The following FOXP2 variants were observed in gnomAD, a reference collection of about 807,000 sequenced individuals.
The protein encoded by FOXP2 is forkhead box P2.
In FOXP2, 12 loss-of-function variants were observed where a neutral mutation model predicts 115.8. The ratio of observed to expected loss-of-function variants is 0.10; its 90% CI spans 0.07 to 0.17. The LOEUF (loss-of-function observed/expected upper bound fraction) is 0.17. Ranked by LOEUF, FOXP2 falls within the 10% of genes least tolerant of loss-of-function variation. The probability of loss-of-function intolerance (pLI) is 1.00; values close to 1 mark genes in which losing one functional copy is unlikely to be tolerated. For synonymous variants in FOXP2, 328 were observed against 297.7 expected, an observed-to-expected ratio of 1.10 and a Z score of -1.05; for missense variants, 629 against 843.5, an observed-to-expected ratio of 0.75 and a Z score of 3.15.
Position 114,415,083 on chromosome 7 carries a change from G to A in FOXP2, c.-288G>A, listed in dbSNP as rs886216135. On this transcript the variant is annotated 5_prime_UTR_variant, in exon 1 of 17. Coordinates refer to ENST00000350908, the MANE Select transcript of FOXP2 (RefSeq NM_014491.4). ...ATTTTGTGTACGATTGTCCACGGAC[G>A]CCAAAACAATCACAGAGCTGCTTGA... 6 of 454,152 alleles carry A rather than the reference G, an allele frequency of 1.3e-5. No individual in the cohort carries two copies. The highest frequency in any genetic ancestry group is 1.4e-3 in the Middle Eastern group (2 of 1,434). The allele number at this position is 454,152 out of a possible 1,614,324, so 28.1% of individuals were successfully genotyped here.
chr7:114,252,620 T>A (rs1795482079), intron 1 of FOXP2, among the ~76,000 whole-genome samples: 1 of 152,258 alleles, frequency 6.6e-6, no homozygotes, highest in Admixed American at 6.5e-5. Flanking sequence ...TTTGTATTTC[T>A]GTGGTATCAG....
chr7:114,545,894 C>G (rs1398176352), intron 3 of FOXP2, among the ~76,000 whole-genome samples: 3 of 152,150 alleles, frequency 2.0e-5, no homozygotes, highest in African/African-American at 7.2e-5. Flanking sequence ...CACACACACA[C>G]TATGTGGAAT....
chr7:114,168,896 A>G (rs1793057456), intron 1 of FOXP2, among the ~76,000 whole-genome samples: 1 of 152,176 alleles, frequency 6.6e-6, no homozygotes, highest in African/African-American at 2.4e-5. Flanking sequence ...GCTGAAAGGG[A>G]CAAATGTAGA....
At chr7:114,621,699 A>G (rs979947263) in intron 3 of FOXP2, among the ~76,000 whole-genome samples, 2 of 151,918 alleles carry the variant, frequency 1.3e-5, no homozygotes, top group Non-Finnish European at 2.9e-5. Context: ...GCTTTGTTCC[A>G]TTCTTGAACT....
At chr7:114,238,986 A>G (rs1584568554) in intron 1 of FOXP2, among the ~76,000 whole-genome samples, 1 of 150,268 alleles carries the variant, frequency 6.7e-6, no homozygotes. Context: ...ACTTCATATA[A>G]ATTTTATAAT....
At chr7:114,664,876 A>G (rs1396516882) in intron 16 of FOXP2, 2 of 199,110 alleles carry the variant, frequency 1.0e-5, no homozygotes, top group African/African-American at 2.4e-5. Flanking sequence ...CGTAAAATGC[A>G]AAGTTTAACT....
At chr7:114,313,793 A>C (rs968040337) in intron 2 of FOXP2, among the ~76,000 whole-genome samples, 1 of 152,106 alleles carries the variant, frequency 6.6e-6, no homozygotes, top group Non-Finnish European at 1.5e-5. Flanking sequence ...GAAATTGTAT[A>C]ATTTTGTATA....
chr7:114,534,685 T>G lies in FOXP2; in HGVS notation c.237T>G (p.Ser79Arg), dbSNP rs749932113. ...GTGGATTGAAATCTCCTAAGAGCAG[T>G]GATAAACAGAGACCACTGCAGGTTA... ...QTSGLKSPKSSDKQRPLQVPV... is the reference protein window; with the variant it reads ...QTSGLKSPKSRDKQRPLQVPV... The change falls in exon 3 of 17, where the codon AGT becomes AGG. Residue 79 changes from serine to arginine, a missense_variant. Physicochemically the swap from Ser to Arg is moderately radical, Grantham distance 110. This residue lies in a region of FOXP2 where 91 missense variants were observed against 98.3 expected (regional missense o/e 0.93). Coordinates refer to ENST00000350908, the MANE Select transcript of FOXP2 (RefSeq NM_014491.4). The G allele has an allele frequency of 1.1e-5, 17 of 1,611,764 alleles. No homozygotes were observed. Among genetic ancestry groups the G allele is most frequent in the Non-Finnish European group, 1.3e-5 (15 of 1,178,478 alleles).
intron 16 of FOXP2, chr7:114,668,062 C>G (rs1807269424): frequency 6.6e-6 from 1 of 152,014 alleles, no homozygotes; most frequent in Admixed American, 6.6e-5. Flanking sequence ...ATAGAGGACA[C>G]AAGAAGCAGG....
intron 2 of FOXP2, among the ~76,000 whole-genome samples, chr7:114,483,178 CACCT>C (rs1160412530): frequency 2.0e-5 from 3 of 151,244 alleles, no homozygotes; most frequent in Non-Finnish European, 3.0e-5. Flanking sequence ...TCACTTACTC[CACCT>C]CATTGAAAAA....
intron 2 of FOXP2, among the ~76,000 whole-genome samples, chr7:114,450,296 G>C (rs1795015838): frequency 6.6e-6 from 1 of 152,074 alleles, no homozygotes; most frequent in African/African-American, 2.4e-5. Context: ...TGGAGGATTT[G>C]TTCTTTAGGC....
At chr7:114,624,455 A>G (rs1351021621) in intron 3 of FOXP2, among the ~76,000 whole-genome samples, 3 of 151,862 alleles carry the variant, frequency 2.0e-5, no homozygotes, top group African/African-American at 7.2e-5. Flanking sequence ...TTTCCAATTC[A>G]CATTTAGTGA....
intron 16 of FOXP2, among the ~76,000 whole-genome samples, chr7:114,677,180 A>AAAAAAAAAAAAAAAAC (rs1554443474): frequency 6.8e-6 from 1 of 147,940 alleles, no homozygotes; most frequent in South Asian, 2.1e-4. Flanking sequence ...AACAAAAAAA[A>AAAAAAAAAAAAAAAAC]AAAAAACAAA....
Position 114,662,011 on chromosome 7 carries a change from C to T in FOXP2, c.1648-54C>T, listed in dbSNP as rs536566425. On this transcript the variant is annotated intron_variant, in intron 13 of 16. Coordinates refer to ENST00000350908, the MANE Select transcript of FOXP2 (RefSeq NM_014491.4). ...ATCAATAATGTAGTATGTTGGGCTG[C>T]CTTATTAGACAATATTATTTTTGCC... 7 of 1,604,508 alleles carry T rather than the reference C, an allele frequency of 4.4e-6. No homozygotes were observed. The South Asian group carries it at 5.5e-5, about 13-fold the overall frequency.
intron 11 of FOXP2, among the ~76,000 whole-genome samples, chr7:114,658,909 A>G: frequency 6.6e-6 from 1 of 152,144 alleles, no homozygotes; most frequent in Non-Finnish European, 1.5e-5. Context: ...CCCTCTTTAC[A>G]AAAAGTGAAG....
At chr7:114,360,377 A>C (rs1051936017) in intron 2 of FOXP2, among the ~76,000 whole-genome samples, 1 of 151,792 alleles carries the variant, frequency 6.6e-6, no homozygotes, top group Non-Finnish European at 1.5e-5. Flanking sequence ...TTTTTTTCCC[A>C]ACTTCACCTT....
Position 114,426,749 on chromosome 7 carries a change from TC to T in FOXP2, c.168+71del, listed in dbSNP as rs1247370587. The stretch of plus-strand genomic sequence containing the variant: ...GTTTTATTGAATATGAAAAATGTAT[TC>T]ATAGCAAACTGAGCATGTTGTGTTA... On this transcript the variant is annotated intron_variant, in intron 2 of 16. Coordinates refer to ENST00000350908, the MANE Select transcript of FOXP2 (RefSeq NM_014491.4). 8 of 1,492,556 alleles carry T rather than the reference TC, an allele frequency of 5.4e-6. No individual in the cohort carries two copies. In the African/African-American group the frequency reaches 1.1e-4, roughly 21 times the overall value. 92.5% of individuals were successfully genotyped at this position (1,492,556 alleles called of 1,614,324 possible).
At position 114,390,522 on chromosome 7, in the gene FOXP2, G is replaced by GTATGTATTTATTTATTTATT. The variant is rs1554382697; in HGVS notation, c.-10-35977_-10-35976insGTATTTATTTATTTATTTAT. Among the ~76,000 whole-genome samples, 981 of 148,356 alleles carry GTATGTATTTATTTATTTATT rather than the reference G, an allele frequency of 6.6e-3. 11 individuals carry two copies. The highest frequency in any genetic ancestry group is 0.023 in the African/African-American group (910 of 40,386). On this transcript the variant is annotated intron_variant, in intron 2 of 17. Coordinates refer to the FOXP2 transcript ENST00000634411. ...GGCACCATACTTTTGTTTTATTTAT[G>GTATGTATTTATTTATTTATT]TATTTATTTATTTATTTATTTATTT...
chr7:114,322,400 C>A (rs1338370110), intron 2 of FOXP2, among the ~76,000 whole-genome samples: 4 of 151,680 alleles, frequency 2.6e-5, no homozygotes, highest in African/African-American at 4.8e-5. Context: ...CTTGCAGTCC[C>A]TGCACTTTGG....
Sources: allele counts gnomAD v4.1 joint callset (sites outside exome capture counted in the v4.1 genomes callset), GRCh38; gene constraint gnomAD v4.1.1; regional missense constraint gnomAD v4.1.1; transcripts MANE v1.5; gene names NCBI Gene and HGNC (gene_info 2026-07-23, HGNC 2026-07-21).